The following BTBD8 variants were observed in gnomAD, a reference collection of about 807,000 sequenced individuals.
BTBD8 encodes BTB/POZ domain-containing protein 8.
Under a neutral mutation model 162.9 loss-of-function variants are expected in BTBD8, and 110 were observed. The observed-to-expected ratio is 0.68, with a 90% CI of 0.58 to 0.79. The LOEUF (loss-of-function observed/expected upper bound fraction) is 0.79. Ranked by LOEUF, BTBD8 falls within the 30% of genes least tolerant of loss-of-function variation. BTBD8 has a pLI of 0.00. For synonymous variants in BTBD8, 667 were observed against 716.1 expected (o/e 0.93, Z 1.10); for missense variants, 1,905 against 2,085.4 (o/e 0.91, Z 1.68).
At chr1:92,150,865 C>T (rs902597979) in intron 9 of BTBD8, 1 of 152,110 alleles carries the variant, frequency 6.6e-6, no homozygotes, top group African/African-American at 2.4e-5. Context: ...ATCCTTTTTT[C>T]CCTTATCAAC....
At chr1:92,152,003 A>C (rs1254689231) in intron 9 of BTBD8, among the ~76,000 whole-genome samples, 2 of 152,088 alleles carry the variant, frequency 1.3e-5, no homozygotes, top group Non-Finnish European at 2.9e-5. Flanking sequence ...TTTTTTGTGA[A>C]ATTTAGCATA....
In BTBD8 at chr1:92,184,428, T is replaced by A; in HGVS notation, c.*98T>A. 2.8e-6 allele frequency: 2 copies of A among 707,590 alleles called. No individual in the cohort carries two copies. Among genetic ancestry groups the A allele is most frequent in the Non-Finnish European group, 4.6e-6 (2 of 437,682 alleles). 43.8% of individuals were successfully genotyped at this position (707,590 alleles called of 1,614,324 possible). ...GCATTAGCCGGATATAAACTTTCTT[T>A]AATATTGAGTCTTTCCAATTTAATG... On this transcript the variant is annotated 3_prime_UTR_variant, in exon 18 of 18. Coordinates refer to ENST00000636805, the MANE Select transcript of BTBD8 (RefSeq NM_001376131.1).
intron 4 of BTBD8, among the ~76,000 whole-genome samples, chr1:92,116,048 T>G (rs1285466424): frequency 6.6e-6 from 1 of 152,096 alleles, no homozygotes; most frequent in Non-Finnish European, 1.5e-5. Flanking sequence ...TATATTGTAT[T>G]TTCACTCAAA....
intron 4 of BTBD8, among the ~76,000 whole-genome samples, chr1:92,112,083 T>TG (rs111467150): frequency 0.014 from 2,153 of 152,170 alleles, 57 homozygotes; most frequent in African/African-American, 0.047. Flanking sequence ...ATGAGTGCTT[T>TG]GGGGGGATTA....
intron 2 of BTBD8, among the ~76,000 whole-genome samples, chr1:92,100,464 G>A (rs954238745): frequency 2.0e-5 from 3 of 151,960 alleles, no homozygotes; most frequent in Non-Finnish European, 2.9e-5. Context: ...TTCTTTGAGG[G>A]AAGATTTTGA....
In BTBD8 at chr1:92,177,837, G is replaced by A. The variant is rs776767794; in HGVS notation, c.2380G>A (p.Val794Ile). 9.7e-6 allele frequency: 15 copies of A among 1,541,956 alleles called. No individual in the cohort carries two copies. In the Middle Eastern group the frequency reaches 6.7e-4, roughly 69 times the overall value. ...VAIKSRPVSR[V>I]TNGTSNKKSI... is the part of the protein sequence containing the mutation. Reference sequence around the variant, plus strand: ...CATAAAATCTCGACCTGTTTCAAGAGTTACCAATGGAACTTCCAATAAAAA... The same window carrying A: ...CATAAAATCTCGACCTGTTTCAAGAATTACCAATGGAACTTCCAATAAAAA... Residue 794 changes from valine to isoleucine, a missense_variant, in exon 15 of 18, where the codon GTT becomes ATT. Physicochemically the swap from Val to Ile is conservative, Grantham distance 29 (BLOSUM62 3). Coordinates refer to ENST00000636805, the MANE Select transcript of BTBD8 (RefSeq NM_001376131.1).
chr1:92,148,062 C>T (rs1247837100), intron 9 of BTBD8, among the ~76,000 whole-genome samples: 4 of 152,152 alleles, frequency 2.6e-5, no homozygotes, highest in African/African-American at 9.7e-5. Flanking sequence ...AAGGCTTATG[C>T]GTTGGCTCAG....
chr1:92,081,637 G>A (rs1415981297), intron 1 of BTBD8, among the ~76,000 whole-genome samples: 1 of 152,060 alleles, frequency 6.6e-6, no homozygotes, highest in Non-Finnish European at 1.5e-5. Context: ...GCCGTGGCGC[G>A]ATCTCGGCTC....
intron 2 of BTBD8, among the ~76,000 whole-genome samples, chr1:92,093,486 C>T (rs1648370504): frequency 6.6e-6 from 1 of 152,088 alleles, no homozygotes; most frequent in African/African-American, 2.4e-5. Context: ...GCCACCGCAC[C>T]CAGCCGAAAT....
At chr1:92,117,874 A>T (rs1400716255) in intron 4 of BTBD8, among the ~76,000 whole-genome samples, 1 of 152,020 alleles carries the variant, frequency 6.6e-6, no homozygotes, top group African/African-American at 2.4e-5. Flanking sequence ...TCTCTTGTGG[A>T]TCAGAGTCCT....
intron 3 of BTBD8, among the ~76,000 whole-genome samples, chr1:92,106,660 CAAAAAAAAAAAAAA>C (rs60676530): frequency 7.0e-4 from 7 of 9,952 alleles, no homozygotes; most frequent in Non-Finnish European, 1.2e-3. Context: ...GACTCTGTCT[CAAAAAAAAAAAAAA>C]AAAAAAAAAA....
In BTBD8 at chr1:92,166,958, A is replaced by AATG; in HGVS notation, c.1126_1128dup (p.Asp376dup). 1 of 1,538,482 alleles carries AATG rather than the reference A, an allele frequency of 6.5e-7. No homozygotes were observed. Among genetic ancestry groups the AATG allele is most frequent in the Non-Finnish European group, 8.8e-7 (1 of 1,141,192 alleles). ...TTTCCAATTTTTTTTTAAATCTAAG[A>AATG]ATGATAAGAATGCTGCTTTTCTTCT... On this transcript the variant is annotated inframe_insertion and splice_region_variant, in exon 10 of 18. Coordinates refer to ENST00000636805, the MANE Select transcript of BTBD8 (RefSeq NM_001376131.1).
At chr1:92,125,571 G>T in intron 4 of BTBD8, 1 of 264,874 alleles carries the variant, frequency 3.8e-6, no homozygotes, top group South Asian at 4.1e-5. Flanking sequence ...CCAACCCAGT[G>T]GTTAAAGATC....
Position 92,158,725 on chromosome 1 carries a change from T to A in BTBD8, c.1123-8233T>A, listed in dbSNP as rs530880111. Among the ~76,000 whole-genome samples the A allele has an allele frequency of 7.2e-5, 11 of 152,068 alleles. No individual in the cohort carries two copies. The East Asian group carries it at 2.1e-3, about 29-fold the overall frequency. On this transcript the variant is annotated intron_variant, in intron 9 of 17. Transcript: ENST00000636805. ...GTGAGATCAGGGGGCTTATGGGAAA[T>A]CTCTATACTTTCCTCTCAGTTTTGC...
intron 17 of BTBD8, among the ~76,000 whole-genome samples, chr1:92,183,597 T>C (rs1220572446): frequency 6.6e-6 from 1 of 152,132 alleles, no homozygotes; most frequent in Non-Finnish European, 1.5e-5. Flanking sequence ...AAATGATTTA[T>C]GTTTTCTGTA....
intron 2 of BTBD8, among the ~76,000 whole-genome samples, chr1:92,091,134 T>C (rs902756053): frequency 2.0e-5 from 3 of 151,908 alleles, no homozygotes; most frequent in Admixed American, 2.0e-4. Context: ...TAGTGGGAGG[T>C]GATTGGATCA....
At chr1:92,115,406 C>T in intron 4 of BTBD8, 1 of 491,654 alleles carries the variant, frequency 2.0e-6, no homozygotes. Context: ...GGCTCATGCC[C>T]ATCACGAACA....
Position 92,182,373 on chromosome 1 carries a change from A to C in BTBD8, c.4690A>C (p.Asn1564His), listed in dbSNP as rs767893705. 6.5e-7 allele frequency: 1 copy of C among 1,550,108 alleles called. No homozygotes were observed. The highest frequency in any genetic ancestry group is 1.2e-5 in the South Asian group (1 of 83,578). The change falls in exon 17 of 18, where the codon AAT (asparagine) becomes CAT (histidine). Residue 1564 changes from asparagine (N) to histidine (H), a missense_variant. Asn to His is a moderately conservative substitution (Grantham distance 68). This residue lies in a region of BTBD8 where 517 missense variants were observed against 606.6 expected (regional missense o/e 0.85). Transcript: ENST00000636805. ...AGTAAACAATGGAAGCAATGTGGAAAATGACATTCAGCAACGCAGCAAATT... is the reference window on the plus strand; with the variant it reads ...AGTAAACAATGGAAGCAATGTGGAACATGACATTCAGCAACGCAGCAAATT... ...KKVNNGSNVENDIQQRSKFLD... is the reference protein window; with the variant it reads ...KKVNNGSNVEHDIQQRSKFLD...
In BTBD8 at chr1:92,180,787, A is replaced by G; in HGVS notation, c.3104A>G (p.Asp1035Gly). The change falls in exon 17 of 18, where the codon GAT becomes GGT. Residue 1035 changes from aspartate to glycine, a missense_variant. By Grantham distance (94) the Asp-to-Gly change is moderately conservative. Transcript: ENST00000636805. ...ALECQNISKL[D>G]KSLKHELESK... The stretch of plus-strand genomic sequence containing the variant: ...GAATGCCAAAATATTTCAAAGCTGG[A>G]TAAATCATTAAAACACGAACTGGAA... The G allele has an allele frequency of 1.9e-6, 3 of 1,551,740 alleles. No homozygotes were observed. The highest frequency in any genetic ancestry group is 2.6e-6 in the Non-Finnish European group (3 of 1,146,986).
Sources: gnomAD v4.1 joint callset for allele counts (sites outside exome capture counted in the v4.1 genomes callset) on GRCh38, gnomAD v4.1.1 for gene constraint, gnomAD v4.1.1 regional missense constraint, MANE v1.5 for transcripts, NCBI Gene and HGNC (gene_info 2026-07-23, HGNC 2026-07-21) for gene names.